Variants in FIGN observed in about 807,000 individuals in gnomAD.
FIGN encodes fidgetin.
FIGN carries 11 observed loss-of-function variants against 51.3 expected under a neutral mutation model. The observed-to-expected ratio is 0.21, with a 90% CI of 0.13 to 0.35. FIGN has a LOEUF of 0.35. FIGN is among the 10% of genes least tolerant of loss of function. The pLI, the probability that FIGN is intolerant of heterozygous loss-of-function variation, is 1.00. For missense variants in FIGN, 857 were observed against 943.6 expected (o/e 0.91, Z 1.20); for synonymous variants, 407 against 363.2 (o/e 1.12, Z -1.37).
At chr2:163,676,690 A>T (rs1683975729) in intron 2 of FIGN, among the ~76,000 whole-genome samples, 1 of 151,892 alleles carries the variant, frequency 6.6e-6, no homozygotes, top group Non-Finnish European at 1.5e-5. Context: ...CTCTGTGGTT[A>T]AGTTTGTCTT....
chr2:163,609,347 T>C lies in FIGN; in HGVS notation c.*205A>G. On this transcript the variant is annotated 3_prime_UTR_variant, in exon 3 of 3. Transcript: ENST00000333129. ...ACTGAGCATCCACATATGCTTTCTG[T>C]CATCTGGGGCTTTCAAATCAGAAGC... 1 of 576,480 alleles carries C rather than the reference T, an allele frequency of 1.7e-6. No homozygotes were observed. 35.7% of individuals were successfully genotyped at this position (576,480 alleles called of 1,614,324 possible). A position where few individuals can be genotyped will look rare whatever the true frequency, so the allele number is the denominator to read the frequency against.
intron 2 of FIGN, among the ~76,000 whole-genome samples, chr2:163,653,774 A>C (rs1187092415): frequency 6.6e-6 from 1 of 152,132 alleles, no homozygotes; most frequent in Non-Finnish European, 1.5e-5. Context: ...AAACAACAAC[A>C]ACAACAAAAT....
chr2:163,734,895 T>C lies in FIGN; in HGVS notation c.25+8A>G. On this transcript the variant is annotated splice_region_variant and intron_variant, in intron 2 of 2. Transcript: ENST00000333129. ...ATGCAAAGGAAGTAAATTCCAAAAC[T>C]GACATACCATAAACACTGGTGCTAC... 6.2e-7 allele frequency: 1 copy of C among 1,606,240 alleles called. No individual in the cohort carries two copies. Among genetic ancestry groups the C allele is most frequent in the Non-Finnish European group, 8.5e-7 (1 of 1,176,986 alleles).
At chr2:163,649,452 A>C (rs1219794125) in intron 2 of FIGN, among the ~76,000 whole-genome samples, 1 of 152,170 alleles carries the variant, frequency 6.6e-6, no homozygotes, top group Non-Finnish European at 1.5e-5. Context: ...TGCAGAGGCC[A>C]CATGGAGAGG....
chr2:163,663,637 C>G (rs1683726670), intron 2 of FIGN, among the ~76,000 whole-genome samples: 1 of 151,434 alleles, frequency 6.6e-6, no homozygotes, highest in African/African-American at 2.4e-5. Context: ...AATCCCAGTA[C>G]TTTGGGAGGC....
chr2:163,660,862 T>C (rs1307142190), intron 2 of FIGN, among the ~76,000 whole-genome samples: 1 of 23,810 alleles, frequency 4.2e-5, no homozygotes, highest in East Asian at 1.9e-3. Context: ...TGTATACATA[T>C]ATATATATAT....
At chr2:163,655,914 A>G (rs1683552952) in intron 2 of FIGN, among the ~76,000 whole-genome samples, 1 of 152,132 alleles carries the variant, frequency 6.6e-6, no homozygotes, top group Admixed American at 6.6e-5. Flanking sequence ...GGAGGTACTT[A>G]CAGCATAAGT....
In FIGN at chr2:163,609,936, T is replaced by C. The variant is rs770076845; in HGVS notation, c.1896A>G (p.Lys632=). 2 of 1,613,982 alleles carry C rather than the reference T, an allele frequency of 1.2e-6. No homozygotes were observed. The highest frequency in any genetic ancestry group is 2.2e-5 in the South Asian group (2 of 91,086). ...DQIVVICATS[K]PEEIDESLRR... is the part of the protein sequence containing the mutation. ...GAAGGGATTCATCTATTTCTTCTGGTTTACTGGTGGCACAAATTACTACGA... is the reference window on the plus strand; with the variant it reads ...GAAGGGATTCATCTATTTCTTCTGGCTTACTGGTGGCACAAATTACTACGA... The change falls in exon 3 of 3, where the codon AAA becomes AAG. Residue 632 remains lysine, a synonymous_variant. Coordinates refer to ENST00000333129, the MANE Select transcript of FIGN (RefSeq NM_018086.4).
chr2:163,718,055 CA>C (rs1684696732), intron 2 of FIGN, among the ~76,000 whole-genome samples: 1 of 151,646 alleles, frequency 6.6e-6, no homozygotes, highest in South Asian at 2.1e-4. Flanking sequence ...TTGGAAAGTA[CA>C]GGGGGGAGGG....
chr2:163,634,130 C>T (rs2105312604), intron 2 of FIGN, among the ~76,000 whole-genome samples: 1 of 137,132 alleles, frequency 7.3e-6, no homozygotes, highest in East Asian at 2.1e-4. Context: ...GTGTTTGGCT[C>T]ACTTTAAAAA....
At chr2:163,652,995 A>G (rs755194850) in intron 2 of FIGN, among the ~76,000 whole-genome samples, 2 of 152,152 alleles carry the variant, frequency 1.3e-5, no homozygotes, top group Non-Finnish European at 2.9e-5. Flanking sequence ...AGGACAGTGT[A>G]AAAATGATTA....
chr2:163,668,017 C>CG (rs1474998971), intron 2 of FIGN, among the ~76,000 whole-genome samples: 1 of 147,534 alleles, frequency 6.8e-6, no homozygotes, highest in African/African-American at 2.6e-5. Flanking sequence ...ACCTCCAACC[C>CG]CCCCCCCCAA....
chr2:163,707,065 G>A (rs1257198141), intron 2 of FIGN, among the ~76,000 whole-genome samples: 2 of 151,870 alleles, frequency 1.3e-5, no homozygotes, highest in African/African-American at 4.8e-5. Context: ...TTTCTATTGA[G>A]GAATAAAATT....
chr2:163,715,574 A>G (rs981190780), intron 2 of FIGN, among the ~76,000 whole-genome samples: 4 of 152,136 alleles, frequency 2.6e-5, no homozygotes, highest in Admixed American at 1.3e-4. Context: ...GTACATGCAA[A>G]AGTTAGGGGA....
In FIGN at chr2:163,660,726, T is replaced by C. The variant is rs1170276968; in HGVS notation, c.26-48920A>G. Reference sequence around the variant, plus strand: ...ATGTATACACATATACATATATATGTATACACATATACATATATATGTATA... The same window carrying C: ...ATGTATACACATATACATATATATGCATACACATATACATATATATGTATA... On this transcript the variant is annotated intron_variant, in intron 2 of 2. Transcript: ENST00000333129. Among the ~76,000 whole-genome samples the C allele has an allele frequency of 3.9e-4, 40 of 102,378 alleles. 1 individual carries two copies. Among genetic ancestry groups the C allele is most frequent in the African/African-American group, 1.5e-3 (36 of 24,758 alleles). The allele number at this position is 102,378 out of a possible 152,430, so 67.2% of individuals were successfully genotyped here. A position where few individuals can be genotyped will look rare whatever the true frequency, so the allele number is the denominator to read the frequency against.
intron 2 of FIGN, among the ~76,000 whole-genome samples, chr2:163,705,948 C>T (rs935610657): frequency 2.0e-5 from 3 of 152,112 alleles, no homozygotes; most frequent in African/African-American, 7.2e-5. Flanking sequence ...GTCCATTTCT[C>T]TTCATCTGGA....
At chr2:163,660,701 A>ATATTTTTTTTTTTTTTTTTT (rs1683641158) in intron 2 of FIGN, among the ~76,000 whole-genome samples, 1 of 122,168 alleles carries the variant, frequency 8.2e-6, no homozygotes, top group African/African-American at 3.0e-5. Context: ...ATACATATAT[A>ATATTTTTTTTTTTTTTTTTT]TGTATACACA....
At chr2:163,700,018 G>C (rs905029642) in intron 2 of FIGN, among the ~76,000 whole-genome samples, 1 of 152,006 alleles carries the variant, frequency 6.6e-6, no homozygotes, top group African/African-American at 2.4e-5. Context: ...ATTGGAAGAA[G>C]AGATACAGAA....
At chr2:163,655,785 G>GCACACA (rs375367199) in intron 2 of FIGN, among the ~76,000 whole-genome samples, 5 of 143,982 alleles carry the variant, frequency 3.5e-5, no homozygotes, top group South Asian at 4.5e-4. Flanking sequence ...ACACACACAC[G>GCACACA]CACACACACA....
Sources: allele counts gnomAD v4.1 joint callset (sites outside exome capture counted in the v4.1 genomes callset), GRCh38; gene constraint gnomAD v4.1.1; transcripts MANE v1.5; gene names NCBI Gene and HGNC (gene_info 2026-07-23, HGNC 2026-07-21).